The following ZNF587B variants were observed in gnomAD, a reference collection of about 807,000 sequenced individuals.
ZNF587B encodes zinc finger protein 587B.
In ZNF587B, 6 loss-of-function variants were observed where a neutral mutation model predicts 7.2. That is an observed-to-expected ratio of 0.83 (90% CI 0.46 to 1.65). ZNF587B has a LOEUF of 1.65. Among genes scored for constraint, ZNF587B ranks in the 40% most tolerant of loss-of-function variants. The pLI, the probability that ZNF587B is intolerant of heterozygous loss-of-function variation, is 0.01. For missense variants in ZNF587B, 749 were observed against 761.0 expected (o/e 0.98, Z 0.19); for synonymous variants, 274 against 254.3 (o/e 1.08, Z -0.74).
At position 57,841,651 on chromosome 19, in the gene ZNF587B, A is replaced by T. The variant is rs532430416; in HGVS notation, c.977A>T (p.Tyr326Phe). Reference sequence around the variant, plus strand: ...AAAGTTCACGCTGGAAAAGGGCCTTATGAGTGTGGAGAATGTGGGAAATCT... The same window carrying T: ...AAAGTTCACGCTGGAAAAGGGCCTTTTGAGTGTGGAGAATGTGGGAAATCT... ...HQKVHAGKGP[Y>F]ECGECGKSFS... Residue 326 changes from tyrosine to phenylalanine, a missense_variant, in exon 3 of 3, where the codon TAT (tyrosine) becomes TTT (phenylalanine). This residue lies in a region of ZNF587B where 656 missense variants were observed against 596.5 expected (regional missense o/e 1.10). Transcript: ENST00000594901. The T allele has an allele frequency of 1.5e-5, 24 of 1,602,322 alleles. No homozygotes were observed. The Admixed American group carries it at 2.1e-4, about 14-fold the overall frequency.
rs1418941798 is a variant in ZNF587B, at chr19:57,842,434, T to C, written c.1760T>C (p.Phe587Ser). 1 of 1,603,584 alleles carries C rather than the reference T, an allele frequency of 6.2e-7. No individual in the cohort carries two copies. Among genetic ancestry groups the C allele is most frequent in the African/African-American group, 1.3e-5 (1 of 74,586 alleles). Reference sequence around the variant, plus strand: ...GAGTGCAGTGAATGTGGGAAATCTTTTGCTGGAATCTCCAGTCTCACTAAT... The same window carrying C: ...GAGTGCAGTGAATGTGGGAAATCTTCTGCTGGAATCTCCAGTCTCACTAAT... ...PYECSECGKS[F>S]AGISSLTNHR... Residue 587 changes from phenylalanine (F) to serine (S), a missense_variant, in exon 3 of 3, where the codon TTT (phenylalanine) becomes TCT (serine). By Grantham distance (155) the Phe-to-Ser change is radical. Around this residue, in one of 3 missense-constraint regions of ZNF587B, gnomAD observed 656 missense variants for 596.5 expected, o/e 1.10. Coordinates refer to ENST00000594901, the MANE Select transcript of ZNF587B (RefSeq NM_001376223.1).
Position 57,844,895 on chromosome 19 carries a change from T to G in ZNF587B, c.*2319T>G, listed in dbSNP as rs1989013101. 6.6e-6 allele frequency: 1 copy of G among 152,234 alleles called. No homozygotes were observed. The highest frequency in any genetic ancestry group is 1.5e-5 in the Non-Finnish European group (1 of 68,054). 9.4% of individuals were successfully genotyped at this position (152,234 alleles called of 1,614,324 possible). A position where few individuals can be genotyped will look rare whatever the true frequency, so the allele number is the denominator to read the frequency against. On this transcript the variant is annotated 3_prime_UTR_variant, in exon 3 of 3. Transcript: ENST00000594901. ...GGCAACATCACAGGTTGTAAGGCTA[T>G]AGGATGAAATTATAATTTTATGGTT... is the stretch of plus-strand genomic sequence containing the variant.
Position 57,842,934 on chromosome 19 carries a change from C to G in ZNF587B, c.*358C>G, listed in dbSNP as rs1337891057. On this transcript the variant is annotated 3_prime_UTR_variant, in exon 3 of 3. Transcript: ENST00000594901. Reference sequence around the variant, plus strand: ...GCACTGTGCCTTCTGTCATTGAATCCTAGAACACTGAGATGAGAAAAACAC... The same window carrying G: ...GCACTGTGCCTTCTGTCATTGAATCGTAGAACACTGAGATGAGAAAAACAC... 44 of 985,320 alleles carry G rather than the reference C, an allele frequency of 4.5e-5. 1 individual carries two copies. The South Asian group carries it at 1.4e-3, about 32-fold the overall frequency. 61.0% of individuals were successfully genotyped at this position (985,320 alleles called of 1,614,324 possible). A position where few individuals can be genotyped will look rare whatever the true frequency, so the allele number is the denominator to read the frequency against.
Position 57,841,684 on chromosome 19 carries a change from C to T in ZNF587B, c.1010C>T (p.Ser337Leu). 3 of 1,604,820 alleles carry T rather than the reference C, an allele frequency of 1.9e-6. No homozygotes were observed. Among genetic ancestry groups the T allele is most frequent in the Non-Finnish European group, 2.6e-6 (3 of 1,175,822 alleles). The change falls in exon 3 of 3, where the codon TCA becomes TTA. Residue 337 changes from serine to leucine, a missense_variant. Ser to Leu is a moderately radical substitution (Grantham distance 145). This residue lies in a region of ZNF587B where 656 missense variants were observed against 596.5 expected (regional missense o/e 1.10). Coordinates refer to ENST00000594901, the MANE Select transcript of ZNF587B (RefSeq NM_001376223.1). ...ECGECGKSFS[S>L]NVNLKSHQRI... ...GGAGAATGTGGGAAATCTTTTAGTT[C>T]AAACGTGAACCTTAAGAGTCATCAG...
rs779900884 is a variant in ZNF587B, at chr19:57,841,387, G to A, written c.713G>A (p.Arg238Gln). The part of the protein sequence containing the change: ...ILSQHQRLLP[R>Q]EECYVCCECG... The stretch of plus-strand genomic sequence containing the variant: ...AGTCAGCACCAGAGACTTCTCCCTC[G>A]AGAAGAATGTTATGTGTGCTGTGAA... The change falls in exon 3 of 3, where the codon CGA becomes CAA. Residue 238 changes from arginine to glutamine, a missense_variant. Around this residue, in one of 3 missense-constraint regions of ZNF587B, gnomAD observed 656 missense variants for 596.5 expected, o/e 1.10. Transcript: ENST00000594901. The A allele has an allele frequency of 2.4e-5, 38 of 1,587,120 alleles. No individual in the cohort carries two copies. The East Asian group carries it at 2.8e-4, about 12-fold the overall frequency.
intron 1 of ZNF587B, among the ~76,000 whole-genome samples, chr19:57,838,531 G>A (rs1259357498): frequency 6.6e-6 from 1 of 152,190 alleles, no homozygotes; most frequent in Admixed American, 6.5e-5. Context: ...AACCCAGGAG[G>A]CAGAGGTTGC....
Position 57,843,051 on chromosome 19 carries a change from A to G in ZNF587B, c.*475A>G. 2 of 899,618 alleles carry G rather than the reference A, an allele frequency of 2.2e-6. No homozygotes were observed. Among genetic ancestry groups the G allele is most frequent in the Non-Finnish European group, 1.3e-6 (1 of 751,754 alleles). 55.7% of individuals were successfully genotyped at this position (899,618 alleles called of 1,614,324 possible). ...CACTCCATCACCCATGCTGGTGTGC[A>G]GTGCTGCGATCGTAGCTCACTGCAT... On this transcript the variant is annotated 3_prime_UTR_variant, in exon 3 of 3. Coordinates refer to ENST00000594901, the MANE Select transcript of ZNF587B (RefSeq NM_001376223.1).
chr19:57,830,605 T>C (rs1251696667), intron 1 of ZNF587B, 41 bp downstream of exon 1: 5 of 1,547,018 alleles, frequency 3.2e-6, no homozygotes, highest in Admixed American at 3.9e-5. Context: ...CACCTCATCA[T>C]CACCCAAAAG....
Position 57,842,651 on chromosome 19 carries a change from T to A in ZNF587B, c.*75T>A, listed in dbSNP as rs1238728293. The A allele has an allele frequency of 4.5e-6, 6 of 1,347,158 alleles. No homozygotes were observed. The highest frequency in any genetic ancestry group is 5.7e-6 in the Non-Finnish European group (6 of 1,052,578). 83.5% of individuals were successfully genotyped at this position (1,347,158 alleles called of 1,614,324 possible). On this transcript the variant is annotated 3_prime_UTR_variant, in exon 3 of 3. Coordinates refer to ENST00000594901, the MANE Select transcript of ZNF587B (RefSeq NM_001376223.1). ...AGTAAGATCTTGTGATTGCAGCAAA[T>A]GTGGAAAATGTTTACCCAAAAGAAG...
chr19:57,839,191 G>A, intron 2 of ZNF587B, 42 bp downstream of exon 2: 1 of 1,608,702 alleles, frequency 6.2e-7, no homozygotes, highest in Non-Finnish European at 8.5e-7. Flanking sequence ...GCTAGTCTCT[G>A]TTTTCCCCTG....
Position 57,843,600 on chromosome 19 carries a change from G to GTTTTTT in ZNF587B, c.*1039_*1044dup, listed in dbSNP as rs771371494. On this transcript the variant is annotated 3_prime_UTR_variant, in exon 3 of 3. Coordinates refer to ENST00000594901, the MANE Select transcript of ZNF587B (RefSeq NM_001376223.1). ...GTTGGTTGGTTGGTTGTTTTTTTTT[G>GTTTTTT]TTTTTTTTTTTTTTTTTTTTGGAGA... The GTTTTTT allele has an allele frequency of 5.1e-5, 33 of 648,820 alleles. No individual in the cohort carries two copies. The highest frequency in any genetic ancestry group is 3.9e-4 in the East Asian group (2 of 5,074). The allele number at this position is 648,820 out of a possible 1,614,324, so 40.2% of individuals were successfully genotyped here.
chr19:57,836,350 T>G (rs1195443757), intron 1 of ZNF587B, among the ~76,000 whole-genome samples: 8 of 152,194 alleles, frequency 5.3e-5, no homozygotes, highest in African/African-American at 1.4e-4. Flanking sequence ...TTGGATCGGT[T>G]TGAATGGGCC....
chr19:57,838,387 G>A (rs1988711451), intron 1 of ZNF587B, among the ~76,000 whole-genome samples: 1 of 151,810 alleles, frequency 6.6e-6, no homozygotes, highest in African/African-American at 2.4e-5. Context: ...TGGATCATGA[G>A]GTTAAGAGAT....
Position 57,842,568 on chromosome 19 carries a change from G to C in ZNF587B, c.1894G>C (p.Ala632Pro), listed in dbSNP as rs112843813. ...CCATCAGAGAGTTCATGAAAGAAAGGCCTTATGAGTGCAGAGAATGAGTCC... is the reference window on the plus strand; with the variant it reads ...CCATCAGAGAGTTCATGAAAGAAAGCCCTTATGAGTGCAGAGAATGAGTCC... ...RYHQRVHERK[A>P]L The change falls in exon 3 of 3, where the codon GCC becomes CCC. Residue 632 changes from alanine (A) to proline (P), a missense_variant. Coordinates refer to ENST00000594901, the MANE Select transcript of ZNF587B (RefSeq NM_001376223.1). 4 of 1,516,026 alleles carry C rather than the reference G, an allele frequency of 2.6e-6. No homozygotes were observed. Among genetic ancestry groups the C allele is most frequent in the Non-Finnish European group, 3.5e-6 (4 of 1,139,142 alleles). 93.9% of individuals were successfully genotyped at this position (1,516,026 alleles called of 1,614,324 possible). A position where few individuals can be genotyped will look rare whatever the true frequency, so the allele number is the denominator to read the frequency against.
chr19:57,830,423 C>A lies in ZNF587B; in HGVS notation c.-106C>A, dbSNP rs1988327528. ...CAGAGGCGACTCTGGAGCTCTGTGA[C>A]GGCGCCAAGCGTGACCCACCCCTGG... On this transcript the variant is annotated 5_prime_UTR_variant, in exon 1 of 3. Coordinates refer to ENST00000594901, the MANE Select transcript of ZNF587B (RefSeq NM_001376223.1). The A allele has an allele frequency of 8.0e-7, 1 of 1,242,572 alleles. No individual in the cohort carries two copies. Among genetic ancestry groups the A allele is most frequent in the Admixed American group, 2.1e-5 (1 of 48,656 alleles). 77.0% of individuals were successfully genotyped at this position (1,242,572 alleles called of 1,614,324 possible).
chr19:57,835,452 G>C (rs1485885479), intron 1 of ZNF587B, among the ~76,000 whole-genome samples: 2,531 of 123,950 alleles, frequency 0.02, 58 homozygotes, highest in African/African-American at 0.079. Context: ...TGCCTCCCAG[G>C]TTCAAGCAAT....
rs1988950311 is a variant in ZNF587B at position 57,843,590 on chromosome 19, G to GGTTTTTTTTTTTTTTTTTTTTTTT, written c.*1014_*1015insGTTTTTTTTTTTTTTTTTTTTTTT. ...TGGTTGGTTGGTTGGTTGGTTGGTT[G>GGTTTTTTTTTTTTTTTTTTTTTTT]TTTTTTTTTGTTTTTTTTTTTTTTT... On this transcript the variant is annotated 3_prime_UTR_variant, in exon 3 of 3. Transcript: ENST00000594901. 2.0e-6 allele frequency: 1 copy of GGTTTTTTTTTTTTTTTTTTTTTTT among 512,060 alleles called. No homozygotes were observed. Among genetic ancestry groups the GGTTTTTTTTTTTTTTTTTTTTTTT allele is most frequent in the African/African-American group, 3.9e-5 (1 of 25,820 alleles). 31.7% of individuals were successfully genotyped at this position (512,060 alleles called of 1,614,324 possible).
chr19:57,840,443 T>C (rs1420131309), intron 2 of ZNF587B, among the ~76,000 whole-genome samples: 2 of 152,130 alleles, frequency 1.3e-5, no homozygotes, highest in African/African-American at 4.8e-5. Context: ...TGTTAGCAAG[T>C]ATATACGCTT....
chr19:57,844,529 A>G lies in ZNF587B; in HGVS notation c.*1953A>G. 5.3e-6 allele frequency: 1 copy of G among 190,458 alleles called. No homozygotes were observed. The highest frequency in any genetic ancestry group is 6.7e-5 in the South Asian group (1 of 14,886). 11.8% of individuals were successfully genotyped at this position (190,458 alleles called of 1,614,324 possible). The stretch of plus-strand genomic sequence containing the variant: ...AGCTAAACTGCGTGGCCCAAGGGAC[A>G]GCATGAATGCAGAATATAGCTTTCT... On this transcript the variant is annotated 3_prime_UTR_variant, in exon 3 of 3. Coordinates refer to ENST00000594901, the MANE Select transcript of ZNF587B (RefSeq NM_001376223.1).
Sources: allele counts gnomAD v4.1 joint callset (sites outside exome capture counted in the v4.1 genomes callset), GRCh38; gene constraint gnomAD v4.1.1; regional missense constraint gnomAD v4.1.1; transcripts MANE v1.5; gene names NCBI Gene and HGNC (gene_info 2026-07-23, HGNC 2026-07-21).